LUZP1: variants seen among roughly 807,000 people sequenced by gnomAD.
The protein encoded by LUZP1 is filamin mechanobinding actin cross-linking protein.
In LUZP1, 25 loss-of-function variants were observed where a neutral mutation model predicts 71.3. That is an observed-to-expected ratio of 0.35 (90% CI 0.26 to 0.49). LUZP1 has a LOEUF of 0.49. Ranked by LOEUF, LUZP1 falls within the 20% of genes least tolerant of loss-of-function variation. The pLI is 0.99. For missense variants in LUZP1, 1,142 were observed against 1,300.8 expected, an observed-to-expected ratio of 0.88 and a Z score of 1.88; for synonymous variants, 481 against 506.4, an observed-to-expected ratio of 0.95 and a Z score of 0.67.
chr1:23,169,920 C>T (rs574045981), intron 1 of LUZP1, among the ~76,000 whole-genome samples: 1 of 152,030 alleles, frequency 6.6e-6, no homozygotes, highest in South Asian at 2.1e-4. Context: ...CTCTTTATTG[C>T]CTATGGAATA....
intron 3 of LUZP1, among the ~76,000 whole-genome samples, chr1:23,101,177 A>C (rs1643928599): frequency 6.6e-6 from 1 of 152,226 alleles, no homozygotes; most frequent in South Asian, 2.1e-4. Context: ...GGTATCAGGA[A>C]TCTCAGATCA....
intron 3 of LUZP1, among the ~76,000 whole-genome samples, chr1:23,108,206 AC>A (rs1457827446): frequency 1.3e-5 from 2 of 152,348 alleles, no homozygotes; most frequent in African/African-American, 4.8e-5. Flanking sequence ...TAGGAAAAGA[AC>A]CTAATTGTTG....
chr1:23,166,719 C>A (rs984463270), intron 2 of LUZP1, among the ~76,000 whole-genome samples: 2 of 150,550 alleles, frequency 1.3e-5, no homozygotes, highest in Non-Finnish European at 2.9e-5. Flanking sequence ...GGGAAGACTG[C>A]CTAAGATCTA....
intron 1 of LUZP1, among the ~76,000 whole-genome samples, chr1:23,171,099 A>AT (rs1553143579): frequency 0.011 from 1,512 of 139,358 alleles, 11 homozygotes; most frequent in Middle Eastern, 0.025. Flanking sequence ...AAAAAAAAAA[A>AT]ATATATATAT....
chr1:23,129,310 G>A (rs1450956082), intron 2 of LUZP1, among the ~76,000 whole-genome samples: 5 of 152,158 alleles, frequency 3.3e-5, no homozygotes, highest in African/African-American at 7.2e-5. Context: ...GGCCAGGCGC[G>A]GTGGCTCACA....
At chr1:23,173,899 T>A (rs1644568240) in intron 1 of LUZP1, among the ~76,000 whole-genome samples, 1 of 152,126 alleles carries the variant, frequency 6.6e-6, no homozygotes, top group African/African-American at 2.4e-5. Flanking sequence ...ATTTGAACTT[T>A]CAATGCTAGA....
chr1:23,160,866 G>C (rs954386456), intron 2 of LUZP1, among the ~76,000 whole-genome samples: 24 of 152,248 alleles, frequency 1.6e-4, no homozygotes, highest in African/African-American at 5.3e-4. Context: ...AGAAGCTTTT[G>C]ATACAACTAG....
At chr1:23,168,658 G>C (rs1165115145) in intron 2 of LUZP1, 108 bp downstream of exon 1, 1 of 151,250 alleles carries the variant, frequency 6.6e-6, no homozygotes, top group Non-Finnish European at 1.5e-5. Flanking sequence ...GGTTTCTTCT[G>C]CCCCGTGGCC....
At chr1:23,141,427 G>A (rs1471680754) in intron 2 of LUZP1, among the ~76,000 whole-genome samples, 2 of 152,174 alleles carry the variant, frequency 1.3e-5, no homozygotes, top group Non-Finnish European at 2.9e-5. Flanking sequence ...CCACTCACAT[G>A]GGTATCACTG....
chr1:23,110,639 C>T (rs1047415772), intron 2 of LUZP1, among the ~76,000 whole-genome samples: 23 of 150,644 alleles, frequency 1.5e-4, no homozygotes, highest in African/African-American at 4.2e-4. Context: ...CACACATACA[C>T]ACACACACAC....
intron 1 of LUZP1, among the ~76,000 whole-genome samples, chr1:23,172,506 T>A (rs488438): frequency 0.38 from 56,636 of 150,766 alleles, 10,990 homozygotes; most frequent in African/African-American, 0.48. Flanking sequence ...CAAAAAAAAA[T>A]TTTTATTTTT....
At chr1:23,138,995 C>G (rs1461209460) in intron 2 of LUZP1, among the ~76,000 whole-genome samples, 1 of 15,464 alleles carries the variant, frequency 6.5e-5, no homozygotes, top group Non-Finnish European at 1.0e-4. Flanking sequence ...AAGACTCCAT[C>G]TCAAAAAAAA....
At position 23,093,163 on chromosome 1, in the gene LUZP1, T is replaced by C; in HGVS notation, c.1099A>G (p.Ser367Gly). ...TTAGTCCTCTCATGTCTGCCTTTGC[T>C]GGACAGGAAAGCATCTTCCCCTTCT... The change falls in exon 4 of 5, where the codon AGC becomes GGC. Residue 367 changes from serine to glycine, a missense_variant. Transcript: ENST00000302291. The surrounding 1 kb of genome is among the most constrained non-coding windows in gnomAD (Gnocchi z 4.2). 1 of 1,614,188 alleles carries C rather than the reference T, an allele frequency of 6.2e-7. No individual in the cohort carries two copies. Among genetic ancestry groups the C allele is most frequent in the Non-Finnish European group, 8.5e-7 (1 of 1,180,018 alleles).
intron 2 of LUZP1, among the ~76,000 whole-genome samples, chr1:23,138,243 G>GGATT (rs1211458270): frequency 6.6e-6 from 1 of 152,132 alleles, no homozygotes; most frequent in African/African-American, 2.4e-5. Context: ...CAAAGAGCTA[G>GGATT]GATTACAGGC....
intron 2 of LUZP1, among the ~76,000 whole-genome samples, chr1:23,124,560 T>G (rs532037482): frequency 1.3e-5 from 2 of 152,334 alleles, no homozygotes; most frequent in East Asian, 3.9e-4. Flanking sequence ...GTTTTTCTCT[T>G]AAATATTTCA....
At chr1:23,153,233 C>T (rs1285113087) in intron 2 of LUZP1, among the ~76,000 whole-genome samples, 2 of 152,196 alleles carry the variant, frequency 1.3e-5, no homozygotes, top group Non-Finnish European at 2.9e-5. Flanking sequence ...TATTACTAGA[C>T]CAGACAAGTA....
intron 1 of LUZP1, among the ~76,000 whole-genome samples, chr1:23,170,609 G>A (rs921497162): frequency 5.9e-5 from 9 of 151,662 alleles, no homozygotes; most frequent in East Asian, 2.0e-4. Flanking sequence ...TGGGATTACC[G>A]GCACTTGCCA....
intron 2 of LUZP1, among the ~76,000 whole-genome samples, chr1:23,109,341 G>C (rs976979220): frequency 6.6e-6 from 1 of 152,190 alleles, no homozygotes; most frequent in Admixed American, 6.5e-5. Flanking sequence ...TTGGCTGTAG[G>C]AGACTTCCCC....
chr1:23,131,018 G>C (rs112010958), intron 2 of LUZP1, among the ~76,000 whole-genome samples: 2 of 151,998 alleles, frequency 1.3e-5, no homozygotes, highest in East Asian at 3.9e-4. Context: ...AGGAGTTTGA[G>C]GCCAGCCTGG....
Sources: allele counts gnomAD v4.1 joint callset (sites outside exome capture counted in the v4.1 genomes callset), GRCh38; gene constraint gnomAD v4.1.1; non-coding constraint Gnocchi (gnomAD v3.1); transcripts MANE v1.5; gene names NCBI Gene and HGNC (gene_info 2026-07-23, HGNC 2026-07-21).